Variants in ILDR1 observed in about 807,000 individuals in gnomAD.
ILDR1 encodes immunoglobulin like domain containing receptor 1, also known as immunoglobulin-like domain-containing receptor 1.
In ILDR1, 56 loss-of-function variants were observed where a neutral mutation model predicts 62.4. The observed-to-expected ratio is 0.90, with a 90% CI of 0.72 to 1.12. ILDR1 has a LOEUF of 1.12. Among genes scored for constraint, ILDR1 ranks in the 50% most tolerant of loss-of-function variants. ILDR1 has a pLI of 0.00. For missense variants in ILDR1, 736 were observed against 710.6 expected (o/e 1.04, Z -0.41); for synonymous variants, 284 against 277.8 (o/e 1.02, Z -0.22).
Position 122,022,200 on chromosome 3 carries a change from C to A in ILDR1, c.-123G>T, listed in dbSNP as rs1356227401. The A allele has an allele frequency of 3.5e-6, 3 of 852,732 alleles. No individual in the cohort carries two copies. Among genetic ancestry groups the A allele is most frequent in the Non-Finnish European group, 3.6e-6 (2 of 553,988 alleles). 52.8% of individuals were successfully genotyped at this position (852,732 alleles called of 1,614,324 possible). A position where few individuals can be genotyped will look rare whatever the true frequency, so the allele number is the denominator to read the frequency against. The stretch of plus-strand genomic sequence containing the variant: ...ACCCCTCGGGTTTCCCCTCCCTCGG[C>A]GCAGCGGGGAGGGAGCGTCCGCTCT... On this transcript the variant is annotated 5_prime_UTR_variant, in exon 1 of 8. Coordinates refer to ENST00000344209, the MANE Select transcript of ILDR1 (RefSeq NM_001199799.2).
intron 2 of ILDR1, 110 bp from the exon 3 acceptor site, chr3:122,005,503 C>A: frequency 8.7e-7 from 1 of 1,143,676 alleles, no homozygotes; most frequent in Non-Finnish European, 1.3e-6. Flanking sequence ...CAATTTTTCC[C>A]AAGACTATTC....
chr3:122,002,972 T>C (rs1388960249), intron 3 of ILDR1, among the ~76,000 whole-genome samples: 3 of 152,226 alleles, frequency 2.0e-5, no homozygotes, highest in Non-Finnish European at 4.4e-5. Flanking sequence ...TTAATATTTA[T>C]GTTCAAGTTT....
At chr3:122,027,613 A>G in the ILDR1 span, among the ~76,000 whole-genome samples, 1 of 152,244 alleles carries the variant, frequency 6.6e-6, no homozygotes, top group Non-Finnish European at 1.5e-5. Context: ...ATTTCTAATA[A>G]GAATCTGAAA....
At chr3:122,001,159 G>A in intron 5 of ILDR1, 149 bp downstream of exon 5, 1 of 926,040 alleles carries the variant, frequency 1.1e-6, no homozygotes, top group Non-Finnish European at 1.7e-6. Context: ...ATCATTTTCA[G>A]GGCTGAGGCT....
intron 1 of ILDR1, among the ~76,000 whole-genome samples, chr3:122,016,025 C>A (rs567609059): frequency 1.3e-5 from 2 of 152,278 alleles, no homozygotes; most frequent in Admixed American, 6.5e-5. Context: ...AACTTCCTAC[C>A]ATGACCCATG....
the ILDR1 span, among the ~76,000 whole-genome samples, chr3:122,027,660 CT>C: frequency 2.0e-5 from 3 of 152,024 alleles, no homozygotes; most frequent in African/African-American, 7.3e-5. Context: ...CTAAAATTAA[CT>C]GGAAATTATA....
At chr3:122,026,149 G>A (rs2071920127), upstream of ILDR1, among the ~76,000 whole-genome samples, 1 of 152,202 alleles carries the variant, frequency 6.6e-6, no homozygotes, top group Non-Finnish European at 1.5e-5. Context: ...GGAGAACTAA[G>A]ACTTCATGCA....
upstream of ILDR1, among the ~76,000 whole-genome samples, chr3:122,023,900 T>C (rs898813130): frequency 7.9e-5 from 12 of 152,100 alleles, no homozygotes; most frequent in African/African-American, 2.9e-4. Flanking sequence ...ACACTGTGTA[T>C]GTTTGGATGT....
chr3:122,045,803 T>A, the ILDR1 span, among the ~76,000 whole-genome samples: 207 of 149,582 alleles, frequency 1.4e-3, 1 homozygote, highest in Non-Finnish European at 2.4e-3. Flanking sequence ...ATTTTGAGCC[T>A]ATGTGTGTCT....
chr3:122,022,634 A>G (rs565975183), upstream of ILDR1, among the ~76,000 whole-genome samples: 2 of 152,338 alleles, frequency 1.3e-5, no homozygotes, highest in African/African-American at 4.8e-5. Context: ...ATTCGTATCT[A>G]GGCCAGGCGC....
the ILDR1 span, among the ~76,000 whole-genome samples, chr3:122,038,392 G>T: frequency 0.085 from 12,959 of 152,172 alleles, 599 homozygotes; most frequent in African/African-American, 0.098. Flanking sequence ...TATTACTAAA[G>T]AAATTTGAAG....
At chr3:122,036,757 T>C in the ILDR1 span, among the ~76,000 whole-genome samples, 1 of 152,140 alleles carries the variant, frequency 6.6e-6, no homozygotes, top group Non-Finnish European at 1.5e-5. Context: ...ATGGGGAAAA[T>C]GTCTCTAGGG....
rs1394336553 is a variant in ILDR1 at position 122,022,132 on chromosome 3, C to T, written c.-55G>A. On this transcript the variant is annotated 5_prime_UTR_variant, in exon 1 of 8. Coordinates refer to ENST00000344209, the MANE Select transcript of ILDR1 (RefSeq NM_001199799.2). ...AGGGGCTTCGGGGCACTGCGTCTTTCTTCCTCAGCTGCCGCCCCAGGACGC... is the reference window on the plus strand; with the variant it reads ...AGGGGCTTCGGGGCACTGCGTCTTTTTTCCTCAGCTGCCGCCCCAGGACGC... 2.7e-6 allele frequency: 4 copies of T among 1,469,192 alleles called. No homozygotes were observed. The East Asian group carries it at 7.3e-5, about 27-fold the overall frequency. 91.0% of individuals were successfully genotyped at this position (1,469,192 alleles called of 1,614,324 possible). A position where few individuals can be genotyped will look rare whatever the true frequency, so the allele number is the denominator to read the frequency against.
At chr3:122,018,074 G>A (rs1040506985) in intron 1 of ILDR1, among the ~76,000 whole-genome samples, 13 of 152,226 alleles carry the variant, frequency 8.5e-5, no homozygotes, top group Middle Eastern at 3.4e-3. Context: ...ATCATTCTAC[G>A]ATAGAGACAC....
Position 121,993,684 on chromosome 3 carries a change from G to A in ILDR1, c.1065C>T (p.Thr355=). 1 of 1,614,170 alleles carries A rather than the reference G, an allele frequency of 6.2e-7. No individual in the cohort carries two copies. Among genetic ancestry groups the A allele is most frequent in the Non-Finnish European group, 8.5e-7 (1 of 1,180,002 alleles). The change falls in exon 7 of 8, where the codon ACC becomes ACT. Residue 355 remains threonine (T), a synonymous_variant. Coordinates refer to ENST00000344209, the MANE Select transcript of ILDR1 (RefSeq NM_001199799.2). ...TSDSLHQQWL[T]PIPSRPWDLR... ...GATCCCAGGGCCTGGAGGGAATTGG[G>A]GTGAGCCACTGCTGGTGCAGGGAGT...
intron 3 of ILDR1, 106 bp downstream of exon 3, chr3:122,005,138 C>T (rs1237485533): frequency 3.7e-6 from 3 of 806,800 alleles, no homozygotes; most frequent in African/African-American, 1.7e-5. Flanking sequence ...AGTAGACCAA[C>T]AGGCAGCAGA....
the ILDR1 span, among the ~76,000 whole-genome samples, chr3:122,057,845 T>G: frequency 1.3e-5 from 2 of 152,222 alleles, no homozygotes; most frequent in South Asian, 4.1e-4. Flanking sequence ...CTTCCCTTAT[T>G]TTACAGAAGT....
In ILDR1 at chr3:121,993,601, C is replaced by T. The variant is rs776320185; in HGVS notation, c.1148G>A (p.Arg383Gln). Reference protein sequence around the residue: ...YPDFHQELQDRGPKSWALERR... With the variant: ...YPDFHQELQDQGPKSWALERR... ...TTCCAATGCCCAAGACTTTGGCCCC[C>T]GGTCCTGGAGCTCCTGGTGGAAATC... Residue 383 changes from arginine (R) to glutamine (Q), a missense_variant, in exon 7 of 8, where the codon CGG becomes CAG. Transcript: ENST00000344209. 18 of 1,614,212 alleles carry T rather than the reference C, an allele frequency of 1.1e-5. No homozygotes were observed. Among genetic ancestry groups the T allele is most frequent in the East Asian group, 1.1e-4 (5 of 44,890 alleles).
rs1344073423 is a variant in ILDR1, at chr3:121,994,186, C to G, written c.774G>C (p.Gln258His). 1 of 1,536,012 alleles carries G rather than the reference C, an allele frequency of 6.5e-7. No homozygotes were observed. Among genetic ancestry groups the G allele is most frequent in the Non-Finnish European group, 8.7e-7 (1 of 1,146,906 alleles). The change falls in exon 6 of 8, where the codon CAG becomes CAC. Residue 258 changes from glutamine (Q) to histidine (H), a missense_variant. Physicochemically the swap from Gln to His is conservative, Grantham distance 24. Coordinates refer to ENST00000344209, the MANE Select transcript of ILDR1 (RefSeq NM_001199799.2). ...VSSYPMHPLLQRDLSLPSSLP... is the reference protein window; with the variant it reads ...VSSYPMHPLLHRDLSLPSSLP... ...CAAATCTCTGGAAGAGTTTACCTCG[C>G]TGCAGCAGCGGGTGCATTGGATAAG...
Sources: gnomAD v4.1 joint callset for allele counts (sites outside exome capture counted in the v4.1 genomes callset) on GRCh38, gnomAD v4.1.1 for gene constraint, MANE v1.5 for transcripts, NCBI Gene and HGNC (gene_info 2026-07-23, HGNC 2026-07-21) for gene names.